The following ARFGEF2 variants were observed in gnomAD, a reference collection of about 807,000 sequenced individuals.
The protein encoded by ARFGEF2 is brefeldin A-inhibited guanine nucleotide-exchange protein 2.
Under a neutral mutation model 219.9 loss-of-function variants are expected in ARFGEF2, and 74 were observed. That is an observed-to-expected ratio of 0.34 (90% CI 0.28 to 0.41). The LOEUF (loss-of-function observed/expected upper bound fraction) is 0.41. Among genes scored for constraint, ARFGEF2 ranks in the 10% least tolerant of loss-of-function variants. ARFGEF2 has a pLI of 1.00. For synonymous variants in ARFGEF2, 733 were observed against 799.2 expected (o/e 0.92, Z 1.40); for missense variants, 1,743 against 2,218.3 (o/e 0.79, Z 4.30).
chr20:49,025,059 T>C (rs2091593534), intron 35 of ARFGEF2, among the ~76,000 whole-genome samples: 1 of 152,196 alleles, frequency 6.6e-6, no homozygotes, highest in African/African-American at 2.4e-5. Flanking sequence ...CACTCCTGCT[T>C]ATGCAGTGGA....
At chr20:48,926,170 A>G (rs1217835395) in intron 1 of ARFGEF2, among the ~76,000 whole-genome samples, 1 of 152,180 alleles carries the variant, frequency 6.6e-6, no homozygotes, top group Non-Finnish European at 1.5e-5. Context: ...GATCTTAACT[A>G]TTACTACCAT....
chr20:49,011,787 T>G, intron 27 of ARFGEF2, 137 bp from the exon 28 acceptor site: 2 of 1,075,684 alleles, frequency 1.9e-6, no homozygotes, highest in Non-Finnish European at 1.4e-6. Context: ...CCAAAGATAC[T>G]GACATGCTTT....
intron 26 of ARFGEF2, among the ~76,000 whole-genome samples, chr20:49,009,093 A>T (rs765398262): frequency 2.6e-5 from 4 of 152,232 alleles, no homozygotes; most frequent in Admixed American, 2.0e-4. Context: ...GCAAAAAAAC[A>T]TTATAATAAA....
chr20:48,921,876 G>C lies in ARFGEF2; in HGVS notation c.-14G>C. The C allele has an allele frequency of 1.3e-6, 2 of 1,523,682 alleles. No individual in the cohort carries two copies. Among genetic ancestry groups the C allele is most frequent in the Admixed American group, 2.0e-5 (1 of 48,834 alleles). The allele number at this position is 1,523,682 out of a possible 1,614,324, so 94.4% of individuals were successfully genotyped here. ...CCCGCCCGCGGGGCCGTCAGCCCCC[G>C]CCGGGCCGGGGCCATGCAGGAGAGC... On this transcript the variant is annotated 5_prime_UTR_variant, in exon 1 of 39. Transcript: ENST00000371917.
intron 6 of ARFGEF2, among the ~76,000 whole-genome samples, chr20:48,963,268 G>T (rs556597547): frequency 6.6e-6 from 1 of 151,936 alleles, no homozygotes; most frequent in Non-Finnish European, 1.5e-5. Flanking sequence ...TTTCTGCGGC[G>T]GGGGGAGTAA....
At position 49,018,988 on chromosome 20, in the gene ARFGEF2, A is replaced by C; in HGVS notation, c.4614A>C (p.Arg1538Ser). The C allele has an allele frequency of 6.2e-7, 1 of 1,613,670 alleles. No individual in the cohort carries two copies. The highest frequency in any genetic ancestry group is 8.5e-7 in the Non-Finnish European group (1 of 1,179,636). ...CAACAGATGACAGCTGGAAGGGTAG[A>C]CCATACGCAAGTAAGGCCACTTTTT... Reference protein sequence around the residue: ...SNPTDDSWKGRPYANQKLFAS... With the variant: ...SNPTDDSWKGSPYANQKLFAS... Residue 1538 changes from arginine (R) to serine (S), a missense_variant, in exon 34 of 39, where the codon AGA (arginine) becomes AGC (serine). Around this residue, in one of 5 missense-constraint regions of ARFGEF2, gnomAD observed 578 missense variants for 664.0 expected, o/e 0.87. Coordinates refer to ENST00000371917, the MANE Select transcript of ARFGEF2 (RefSeq NM_006420.3).
chr20:48,963,818 A>C lies in ARFGEF2; in HGVS notation c.839-12A>C. 1 of 1,612,642 alleles carries C rather than the reference A, an allele frequency of 6.2e-7. No individual in the cohort carries two copies. The highest frequency in any genetic ancestry group is 1.3e-5 in the African/African-American group (1 of 74,828). On this transcript the variant is annotated splice_polypyrimidine_tract_variant and intron_variant, in intron 6 of 38. Coordinates refer to ENST00000371917, the MANE Select transcript of ARFGEF2 (RefSeq NM_006420.3). ...GCCCACGTGTGTTTTGTATATTTGGATGTGTGTGTAGGGACTGATGACGGA... is the reference window on the plus strand; with the variant it reads ...GCCCACGTGTGTTTTGTATATTTGGCTGTGTGTGTAGGGACTGATGACGGA...
chr20:48,973,152 G>A lies in ARFGEF2; in HGVS notation c.1533G>A (p.Gln511=), dbSNP rs368035968. 6.2e-7 allele frequency: 1 copy of A among 1,614,028 alleles called. No individual in the cohort carries two copies. Among genetic ancestry groups the A allele is most frequent in the Non-Finnish European group, 8.5e-7 (1 of 1,180,016 alleles). Residue 511 remains glutamine (Q), a synonymous_variant, in exon 12 of 39, where the codon CAG becomes CAA. Transcript: ENST00000371917. ...QTLTRICADA[Q]CVVDIYVNYD... ...TGTATGTTATTTTCCAAGATGCCCAGTGTGTTGTGGATATTTATGTCAACT... is the reference window on the plus strand; with the variant it reads ...TGTATGTTATTTTCCAAGATGCCCAATGTGTTGTGGATATTTATGTCAACT...
chr20:48,950,552 T>G (rs1289247565), intron 3 of ARFGEF2, among the ~76,000 whole-genome samples: 1 of 151,696 alleles, frequency 6.6e-6, no homozygotes, highest in African/African-American at 2.4e-5. Context: ...TCCAACACTT[T>G]GAGATTACAG....
intron 15 of ARFGEF2, 74 bp downstream of exon 15, chr20:48,984,914 G>GAGA (rs2091317917): frequency 6.2e-7 from 1 of 1,608,684 alleles, no homozygotes; most frequent in Admixed American, 1.7e-5. Flanking sequence ...TTTTAACCTC[G>GAGA]AGATTGTCTG....
rs772292207 is a variant in ARFGEF2 at position 48,995,822 on chromosome 20, C to T, written c.3161C>T (p.Ala1054Val). The change falls in exon 23 of 39, where the codon GCC becomes GTC. Residue 1054 changes from alanine (A) to valine (V), a missense_variant. This residue lies in a region of ARFGEF2 where 666 missense variants were observed against 955.4 expected (regional missense o/e 0.70). Transcript: ENST00000371917. ...VSGGVDKRQM[A>V]SFQESVGETS... ...GGCGGAGTGGATAAAAGACAGATGG[C>T]CAGCTTCCAAGAATCGGTTGGTGAG... The T allele has an allele frequency of 3.7e-6, 6 of 1,614,122 alleles. No homozygotes were observed. The highest frequency in any genetic ancestry group is 1.7e-5 in the Admixed American group (1 of 60,006).
At chr20:48,951,954 G>A (rs1408466355) in intron 4 of ARFGEF2, among the ~76,000 whole-genome samples, 1 of 151,938 alleles carries the variant, frequency 6.6e-6, no homozygotes, top group African/African-American at 2.4e-5. Context: ...ATGAGGGGAG[G>A]GCTCCATGCT....
chr20:48,985,713 A>G, intron 16 of ARFGEF2, 100 bp downstream of exon 16: 1 of 1,271,260 alleles, frequency 7.9e-7, no homozygotes, highest in Non-Finnish European at 1.1e-6. Flanking sequence ...ATCTGTGCCA[A>G]GCAACTGAAG....
intron 31 of ARFGEF2, 49 bp from the exon 32 acceptor site, chr20:49,017,200 A>G: frequency 6.2e-7 from 1 of 1,600,800 alleles, no homozygotes; most frequent in Non-Finnish European, 8.5e-7. Context: ...CCTGGTTGGC[A>G]TCAAAATAGC....
intron 8 of ARFGEF2, 34 bp from the exon 9 acceptor site, chr20:48,969,113 A>G (rs773244590): frequency 6.2e-7 from 1 of 1,606,078 alleles, no homozygotes; most frequent in Non-Finnish European, 8.5e-7. Flanking sequence ...GGTGGGTGCC[A>G]CCACACCCAG....
chr20:48,988,839 A>G (rs2091341371), intron 18 of ARFGEF2, among the ~76,000 whole-genome samples, 177 bp downstream of exon 18: 1 of 152,228 alleles, frequency 6.6e-6, no homozygotes, highest in South Asian at 2.1e-4. Flanking sequence ...GTCTTGCTAG[A>G]TTTCTGATGA....
intron 37 of ARFGEF2, among the ~76,000 whole-genome samples, chr20:49,028,948 CA>C (rs1485848163): frequency 2.0e-5 from 3 of 152,210 alleles, no homozygotes; most frequent in Non-Finnish European, 4.4e-5. Context: ...TCCGAGCGGT[CA>C]GCAGGCTGGA....
chr20:49,012,499 T>TGTTC (rs923125734), intron 28 of ARFGEF2, among the ~76,000 whole-genome samples: 1 of 151,996 alleles, frequency 6.6e-6, no homozygotes, highest in African/African-American at 2.4e-5. Flanking sequence ...ATGGGGTTTT[T>TGTTC]GTTTGTTTGT....
At chr20:49,011,769 A>G (rs571264816) in intron 27 of ARFGEF2, among the ~76,000 whole-genome samples, 155 bp from the exon 28 acceptor site, 1 of 152,280 alleles carries the variant, frequency 6.6e-6, no homozygotes, top group East Asian at 1.9e-4. Context: ...AATAAGAAAA[A>G]CTGTCTTCCA....
Sources: allele counts gnomAD v4.1 joint callset (sites outside exome capture counted in the v4.1 genomes callset), GRCh38; gene constraint gnomAD v4.1.1; regional missense constraint gnomAD v4.1.1; transcripts MANE v1.5; gene names NCBI Gene and HGNC (gene_info 2026-07-23, HGNC 2026-07-21).